Variants in PTPRD observed in about 807,000 individuals in gnomAD.
PTPRD encodes the protein receptor-type tyrosine-protein phosphatase delta.
PTPRD carries 34 observed loss-of-function variants against 214.5 expected under a neutral mutation model. That is an observed-to-expected ratio of 0.16 (90% CI 0.12 to 0.21). PTPRD has a LOEUF of 0.21. Ranked by LOEUF, PTPRD falls within the 10% of genes least tolerant of loss-of-function variation. PTPRD has a pLI of 1.00. For synonymous variants in PTPRD, 1,128 were observed against 845.7 expected, an observed-to-expected ratio of 1.33 and a Z score of -5.79; for missense variants, 2,545 against 2,398.7, an observed-to-expected ratio of 1.06 and a Z score of -1.27.
intron 10 of PTPRD, among the ~76,000 whole-genome samples, chr9:9,129,282 T>C (rs560428341): frequency 2.6e-5 from 4 of 152,034 alleles, no homozygotes; most frequent in Non-Finnish European, 5.9e-5. Context: ...CCCAGCTACT[T>C]GGGAGGCTGA....
chr9:9,630,782 G>C (rs927547944), intron 7 of PTPRD, among the ~76,000 whole-genome samples: 16 of 152,034 alleles, frequency 1.1e-4, no homozygotes, highest in Middle Eastern at 3.4e-3. Context: ...TAAATGTCTG[G>C]TGCCACAAAT....
chr9:10,562,231 G>A (rs990175127), intron 2 of PTPRD, among the ~76,000 whole-genome samples: 1 of 151,902 alleles, frequency 6.6e-6, no homozygotes, highest in Non-Finnish European at 1.5e-5. Flanking sequence ...TATGTACTAT[G>A]ACCACTTCTC....
intron 2 of PTPRD, among the ~76,000 whole-genome samples, chr9:10,539,350 A>C (rs1566819932): frequency 6.6e-6 from 1 of 151,948 alleles, no homozygotes; most frequent in Non-Finnish European, 1.5e-5. Context: ...ATGCCGGGCT[A>C]ATTTTTGTAT....
chr9:8,671,244 A>T lies in PTPRD; in HGVS notation c.65-34400T>A, dbSNP rs77478846. ...TGCGATACTTCTCATTTAATTTTTT[A>T]AAAATATATGCAAGGTATCATCCCT... is the stretch of plus-strand genomic sequence containing the variant. On this transcript the variant is annotated intron_variant, in intron 12 of 45. Transcript: ENST00000381196. Among the ~76,000 whole-genome samples the T allele has an allele frequency of 7.6e-3, 1,150 of 152,294 alleles. 23 individuals are homozygous for T. The highest frequency in any genetic ancestry group is 0.026 in the African/African-American group (1,097 of 41,566).
chr9:9,303,423 T>C (rs946898800), intron 9 of PTPRD, among the ~76,000 whole-genome samples: 1 of 152,094 alleles, frequency 6.6e-6, no homozygotes, highest in Non-Finnish European at 1.5e-5. Flanking sequence ...GTTACATGTG[T>C]ATTTTCTATG....
intron 3 of PTPRD, among the ~76,000 whole-genome samples, chr9:10,171,962 T>TC (rs1216833313): frequency 1.3e-5 from 2 of 152,198 alleles, no homozygotes; most frequent in Admixed American, 1.3e-4. Flanking sequence ...TGTTATATTT[T>TC]CCTTGGTCAA....
intron 2 of PTPRD, among the ~76,000 whole-genome samples, chr9:10,525,178 A>G (rs958644671): frequency 6.6e-6 from 1 of 152,072 alleles, no homozygotes; most frequent in African/African-American, 2.4e-5. Context: ...GATTCTAGTT[A>G]TCAGATTTGT....
intron 11 of PTPRD, among the ~76,000 whole-genome samples, chr9:8,819,060 G>T (rs1261305768): frequency 6.6e-6 from 1 of 152,156 alleles, no homozygotes; most frequent in Non-Finnish European, 1.5e-5. Flanking sequence ...GAAAATGATG[G>T]TTTAACAAGA....
chr9:9,100,930 T>C lies in PTPRD; in HGVS notation c.-142-82195A>G, dbSNP rs557830531. ...AATTTGATTGCTTAAGAATTTATAA[T>C]GCGTAAATTGGATTTCATATAACTA... On this transcript the variant is annotated intron_variant, in intron 10 of 45. Transcript: ENST00000381196. 3.9e-5 allele frequency among the ~76,000 whole-genome samples: 6 copies of C among 152,300 alleles called. No individual in the cohort carries two copies. In the East Asian group the frequency reaches 7.7e-4, roughly 20 times the overall value.
At chr9:8,995,924 T>C (rs1329748040) in intron 11 of PTPRD, among the ~76,000 whole-genome samples, 1 of 152,126 alleles carries the variant, frequency 6.6e-6, no homozygotes, top group Non-Finnish European at 1.5e-5. Flanking sequence ...TCTAGTACAA[T>C]ATATCTGTAG....
intron 2 of PTPRD, among the ~76,000 whole-genome samples, chr9:10,346,439 A>T (rs940632102): frequency 6.6e-6 from 1 of 152,212 alleles, no homozygotes; most frequent in Non-Finnish European, 1.5e-5. Context: ...CAAAATAAAG[A>T]CTGAAAAATT....
At chr9:9,442,816 C>A (rs2088674151) in intron 8 of PTPRD, among the ~76,000 whole-genome samples, 2 of 152,024 alleles carry the variant, frequency 1.3e-5, no homozygotes, top group South Asian at 4.1e-4. Flanking sequence ...TAGTGTTTTA[C>A]CCTAAACATG....
chr9:10,194,345 T>TATATAGAG (rs2099388529), intron 3 of PTPRD, among the ~76,000 whole-genome samples: 1 of 39,846 alleles, frequency 2.5e-5, no homozygotes, highest in African/African-American at 7.7e-5. Flanking sequence ...TATATATATA[T>TATATAGAG]AGAGAGAGAG....
chr9:9,534,984 T>A (rs1468998389), intron 8 of PTPRD, among the ~76,000 whole-genome samples: 1 of 152,102 alleles, frequency 6.6e-6, no homozygotes, highest in Non-Finnish European at 1.5e-5. Flanking sequence ...CCCACCGTTA[T>A]GAATTTTACA....
At chr9:8,387,635 G>T (rs1383994702) in intron 37 of PTPRD, among the ~76,000 whole-genome samples, 2 of 152,136 alleles carry the variant, frequency 1.3e-5, no homozygotes, top group Non-Finnish European at 2.9e-5. Context: ...TGGCTTGATG[G>T]TGAAGCACGT....
intron 11 of PTPRD, among the ~76,000 whole-genome samples, chr9:8,978,400 G>T (rs924437707): frequency 6.6e-6 from 1 of 152,116 alleles, no homozygotes; most frequent in African/African-American, 2.4e-5. Flanking sequence ...TAGCCTGGTA[G>T]TTTTCACATA....
chr9:8,626,918 A>T lies in PTPRD; in HGVS notation c.352+6399T>A, dbSNP rs192513004. On this transcript the variant is annotated intron_variant, in intron 14 of 45. Coordinates refer to ENST00000381196, the MANE Select transcript of PTPRD (RefSeq NM_002839.4). ...TAAGGCTCTTCCTATATATGTATAT[A>T]TTCTGTTGGGGTTCTCTTTCTCCAG... is the stretch of plus-strand genomic sequence containing the variant. Among the ~76,000 whole-genome samples, 93 of 151,638 alleles carry T rather than the reference A, an allele frequency of 6.1e-4. 1 individual carries two copies. The highest frequency in any genetic ancestry group is 2.1e-3 in the African/African-American group (87 of 41,348).
At chr9:8,941,908 C>T (rs1370164017) in intron 11 of PTPRD, among the ~76,000 whole-genome samples, 4 of 152,260 alleles carry the variant, frequency 2.6e-5, no homozygotes, top group Middle Eastern at 3.4e-3. Context: ...CGGGTTCAAG[C>T]GATTCTCTTG....
intron 10 of PTPRD, among the ~76,000 whole-genome samples, chr9:9,142,423 T>C (rs2099862059): frequency 6.6e-6 from 1 of 152,224 alleles, no homozygotes; most frequent in African/African-American, 2.4e-5. Context: ...CTCTTTGAAC[T>C]TAGTCCTAAT....
Sources: allele counts gnomAD v4.1 joint callset (sites outside exome capture counted in the v4.1 genomes callset), GRCh38; gene constraint gnomAD v4.1.1; transcripts MANE v1.5; gene names NCBI Gene and HGNC (gene_info 2026-07-23, HGNC 2026-07-21).